KCTD1: variants seen among roughly 807,000 people sequenced by gnomAD.
KCTD1 encodes BTB/POZ domain-containing protein KCTD1.
A neutral mutation model predicts 66.0 loss-of-function variants in KCTD1; 24 were observed. The observed-to-expected ratio is 0.36, with a 90% CI of 0.26 to 0.51. KCTD1 has a LOEUF of 0.51. Among genes scored for constraint, KCTD1 ranks in the 20% least tolerant of loss-of-function variants. The pLI is 0.95. For missense variants in KCTD1, 943 were observed against 1,205.2 expected (o/e 0.78, Z 3.22); for synonymous variants, 511 against 517.2 (o/e 0.99, Z 0.16).
intron 2 of KCTD1, among the ~76,000 whole-genome samples, chr18:26,491,126 G>A (rs1241246868): frequency 6.6e-6 from 1 of 152,132 alleles, no homozygotes; most frequent in African/African-American, 2.4e-5. Context: ...GCATGCATGC[G>A]TGCTTATGTG....
chr18:26,469,292 C>A (rs559512330), intron 3 of KCTD1, among the ~76,000 whole-genome samples: 1 of 151,894 alleles, frequency 6.6e-6, no homozygotes, highest in South Asian at 2.1e-4. Context: ...TCAGGGAGCA[C>A]GCAAAAGGTG....
At chr18:26,543,669 T>G (rs941179893) in intron 1 of KCTD1, 1 of 152,246 alleles carries the variant, frequency 6.6e-6, no homozygotes, top group African/African-American at 2.4e-5. Flanking sequence ...AAACAGGGGA[T>G]GTGTACCAGC....
intron 1 of KCTD1, among the ~76,000 whole-genome samples, chr18:26,578,055 TTC>T (rs1986267988): frequency 7.7e-6 from 1 of 129,284 alleles, no homozygotes; most frequent in South Asian, 2.7e-4. Context: ...TTTCTTTTCT[TTC>T]TTTTTTTTTT....
intron 1 of KCTD1, among the ~76,000 whole-genome samples, chr18:26,525,931 C>A (rs767365815): frequency 3.9e-5 from 6 of 152,152 alleles, no homozygotes; most frequent in African/African-American, 1.4e-4. Context: ...CCATCTCATT[C>A]CCCCTAGGAT....
At chr18:26,503,916 C>G (rs1982896099) in intron 1 of KCTD1, among the ~76,000 whole-genome samples, 1 of 152,160 alleles carries the variant, frequency 6.6e-6, no homozygotes, top group Admixed American at 6.5e-5. Flanking sequence ...CTTTGGTGAG[C>G]CCTCTTGGTT....
chr18:26,552,973 GTTTCTTTTTC>G (rs1257640677), upstream of KCTD1, among the ~76,000 whole-genome samples: 1 of 150,006 alleles, frequency 6.7e-6, no homozygotes, highest in Non-Finnish European at 1.5e-5. Flanking sequence ...GGTTTTAGAG[GTTTCTTTTTC>G]TTTCTTTTTT....
chr18:26,606,810 T>C (rs2053960635), intron 1 of KCTD1, among the ~76,000 whole-genome samples: 1 of 152,226 alleles, frequency 6.6e-6, no homozygotes, highest in African/African-American at 2.4e-5. Context: ...ACATAAAGAC[T>C]GGTTGCTGCT....
At chr18:26,616,688 TAA>T (rs33952397) in intron 1 of KCTD1, among the ~76,000 whole-genome samples, 1 of 33,522 alleles carries the variant, frequency 3.0e-5, no homozygotes, top group Admixed American at 2.4e-4. Context: ...CCTGGCTAAT[TAA>T]AAAAAAAAAA....
chr18:26,618,399 T>C (rs530242518), intron 1 of KCTD1, among the ~76,000 whole-genome samples: 22 of 152,360 alleles, frequency 1.4e-4, no homozygotes, highest in African/African-American at 4.6e-4. Flanking sequence ...CCAAGTGGAC[T>C]AGAGCCTTTG....
At chr18:26,509,079 TG>T (rs1455213699) in intron 1 of KCTD1, among the ~76,000 whole-genome samples, 1 of 152,118 alleles carries the variant, frequency 6.6e-6, no homozygotes, top group East Asian at 1.9e-4. Context: ...CCAAACTCTA[TG>T]GTCTCTATTG....
At chr18:26,623,696 C>A (rs1987438734) in intron 1 of KCTD1, among the ~76,000 whole-genome samples, 1 of 152,142 alleles carries the variant, frequency 6.6e-6, no homozygotes, top group Non-Finnish European at 1.5e-5. Flanking sequence ...TAAGAACAGA[C>A]TAATAGAGTA....
intron 1 of KCTD1, among the ~76,000 whole-genome samples, chr18:26,622,395 CTCCACA>C (rs1482348734): frequency 6.6e-6 from 1 of 152,152 alleles, no homozygotes; most frequent in Non-Finnish European, 1.5e-5. Context: ...ACTCAACTTG[CTCCACA>C]TCAAAGTCAT....
chr18:26,558,938 A>C (rs1985776722), intron 1 of KCTD1, among the ~76,000 whole-genome samples: 1 of 152,074 alleles, frequency 6.6e-6, no homozygotes, highest in African/African-American at 2.4e-5. Context: ...GAAGCAAAAA[A>C]AGAAAAAAAA....
chr18:26,583,480 A>G (rs1986406431), intron 1 of KCTD1, among the ~76,000 whole-genome samples: 2 of 151,888 alleles, frequency 1.3e-5, no homozygotes, highest in African/African-American at 4.8e-5. Flanking sequence ...GGGTAATAGG[A>G]CTTACTATGA....
intron 1 of KCTD1, among the ~76,000 whole-genome samples, chr18:26,601,331 A>T (rs1265535238): frequency 8.1e-5 from 12 of 147,626 alleles, no homozygotes; most frequent in African/African-American, 2.5e-4. Flanking sequence ...ATTGGTAAAA[A>T]AAAAAAAAAA....
At chr18:26,535,823 G>A (rs904798688) in intron 1 of KCTD1, among the ~76,000 whole-genome samples, 5 of 151,966 alleles carry the variant, frequency 3.3e-5, no homozygotes, top group Non-Finnish European at 7.4e-5. Context: ...GAATGTGAGG[G>A]TCAGTTTTCC....
chr18:26,610,373 G>A (rs1461662591), intron 1 of KCTD1, among the ~76,000 whole-genome samples: 1 of 152,090 alleles, frequency 6.6e-6, no homozygotes, highest in Non-Finnish European at 1.5e-5. Flanking sequence ...AGGAGTTCAA[G>A]ACCAGCCTGG....
chr18:26,608,568 GGGGCA>G (rs1987067231), intron 1 of KCTD1, among the ~76,000 whole-genome samples: 1 of 152,182 alleles, frequency 6.6e-6, no homozygotes, highest in South Asian at 2.1e-4. Flanking sequence ...CAGTCCATAT[GGGGCA>G]GGGTCGGTGG....
intron 1 of KCTD1, among the ~76,000 whole-genome samples, chr18:26,608,958 A>G (rs555327802): frequency 6.6e-6 from 1 of 152,342 alleles, no homozygotes; most frequent in East Asian, 1.9e-4. Flanking sequence ...AGTTCATCGC[A>G]TTCTGGTGGG....
Sources: gnomAD v4.1 joint callset for allele counts (sites outside exome capture counted in the v4.1 genomes callset) on GRCh38, gnomAD v4.1.1 for gene constraint, MANE v1.5 for transcripts, NCBI Gene and HGNC (gene_info 2026-07-23, HGNC 2026-07-21) for gene names.